The following KCNH8 variants were observed in gnomAD, a reference collection of about 807,000 sequenced individuals.
KCNH8 encodes potassium voltage-gated channel subfamily H member 8, also known as voltage-gated delayed rectifier potassium channel KCNH8.
Under a neutral mutation model 103.6 loss-of-function variants are expected in KCNH8, and 70 were observed. The observed-to-expected ratio is 0.68, with a 90% CI of 0.56 to 0.82. The LOEUF (loss-of-function observed/expected upper bound fraction) is 0.82, where lower values mean the gene tolerates loss of function less well. KCNH8 is among the 40% of genes least tolerant of loss of function. The pLI is 0.00. For synonymous variants in KCNH8, 498 were observed against 489.4 expected (o/e 1.02, Z -0.23); for missense variants, 1,217 against 1,329.9 (o/e 0.92, Z 1.32).
chr3:19,476,273 G>A (rs570184012), intron 11 of KCNH8, among the ~76,000 whole-genome samples: 62 of 152,236 alleles, frequency 4.1e-4, no homozygotes, highest in Non-Finnish European at 6.9e-4. Flanking sequence ...CAACAGACAA[G>A]GAGGTTCAAC....
chr3:19,376,437 A>G (rs191054672), intron 5 of KCNH8, among the ~76,000 whole-genome samples: 24 of 152,198 alleles, frequency 1.6e-4, no homozygotes, highest in Admixed American at 1.2e-3. Context: ...GAGTGAGGCA[A>G]TGCCTCTCCC....
chr3:19,525,189 A>G (rs935753221), intron 15 of KCNH8, among the ~76,000 whole-genome samples: 1 of 151,888 alleles, frequency 6.6e-6, no homozygotes, highest in East Asian at 1.9e-4. Flanking sequence ...TAACATAAAT[A>G]TATATTATTT....
At chr3:19,439,901 A>T (rs900411593) in intron 8 of KCNH8, among the ~76,000 whole-genome samples, 2 of 152,102 alleles carry the variant, frequency 1.3e-5, no homozygotes, top group Non-Finnish European at 2.9e-5. Context: ...GGAAAGCAAA[A>T]GGAACTGAAG....
At chr3:19,255,524 A>C (rs916067980) in intron 2 of KCNH8, among the ~76,000 whole-genome samples, 1 of 152,048 alleles carries the variant, frequency 6.6e-6, no homozygotes, top group African/African-American at 2.4e-5. Context: ...GGTAAGAGAG[A>C]GCATCCTCGT....
intron 5 of KCNH8, among the ~76,000 whole-genome samples, chr3:19,372,427 G>A (rs571428865): frequency 0.05 from 7,518 of 150,686 alleles, 240 homozygotes; most frequent in East Asian, 0.13. Context: ...TGTTGTTGGT[G>A]TATAAGAATG....
At chr3:19,502,642 T>C (rs1474143898) in intron 11 of KCNH8, among the ~76,000 whole-genome samples, 1 of 152,066 alleles carries the variant, frequency 6.6e-6, no homozygotes, top group Non-Finnish European at 1.5e-5. Context: ...AACTATCTGA[T>C]CTTTGACAAA....
At position 19,204,251 on chromosome 3, in the gene KCNH8, T is replaced by C. The variant is rs13064398; in HGVS notation, c.77-49403T>C. Among the ~76,000 whole-genome samples the C allele has an allele frequency of 5.5e-3, 833 of 152,182 alleles. 3 individuals are homozygous for C. Among genetic ancestry groups the C allele is most frequent in the Non-Finnish European group, 8.7e-3 (590 of 67,968 alleles). Reference sequence around the variant, plus strand: ...CCTCTGTCATAAGCATGTGTGATCTTGGGAATGAATTACATAAACTAATGT... The same window carrying C: ...CCTCTGTCATAAGCATGTGTGATCTCGGGAATGAATTACATAAACTAATGT... On this transcript the variant is annotated intron_variant, in intron 1 of 15. Transcript: ENST00000328405.
intron 1 of KCNH8, among the ~76,000 whole-genome samples, chr3:19,202,586 G>A (rs1393754705): frequency 2.6e-5 from 4 of 152,134 alleles, no homozygotes; most frequent in African/African-American, 4.8e-5. Flanking sequence ...AATGATTGCA[G>A]TTAGGAAGAA....
intron 1 of KCNH8, among the ~76,000 whole-genome samples, chr3:19,170,594 A>C (rs925771227): frequency 1.4e-5 from 2 of 143,730 alleles, no homozygotes; most frequent in Non-Finnish European, 3.0e-5. Context: ...CTATATATAT[A>C]TATATATATA....
intron 1 of KCNH8, among the ~76,000 whole-genome samples, chr3:19,241,741 C>T (rs767253094): frequency 3.3e-5 from 5 of 152,068 alleles, no homozygotes; most frequent in Admixed American, 1.3e-4. Flanking sequence ...CACACACACA[C>T]ACACACACAC....
intron 5 of KCNH8, among the ~76,000 whole-genome samples, chr3:19,353,820 G>T (rs904523862): frequency 5.9e-5 from 9 of 152,082 alleles, no homozygotes; most frequent in Non-Finnish European, 2.9e-5. Flanking sequence ...TTGAAAACTA[G>T]CACAAGACAA....
intron 3 of KCNH8, among the ~76,000 whole-genome samples, chr3:19,306,007 AAAATT>A (rs2125293087): frequency 6.6e-6 from 1 of 152,262 alleles, no homozygotes; most frequent in Admixed American, 6.5e-5. Flanking sequence ...AGTGATTACT[AAAATT>A]AAATGGACAA....
At chr3:19,504,467 C>T (rs2068652411) in intron 11 of KCNH8, among the ~76,000 whole-genome samples, 1 of 151,804 alleles carries the variant, frequency 6.6e-6, no homozygotes, top group South Asian at 2.1e-4. Flanking sequence ...CCATAAAGAA[C>T]TTAAACACAT....
chr3:19,338,509 A>AAT (rs1318703522), intron 3 of KCNH8, among the ~76,000 whole-genome samples: 2 of 152,074 alleles, frequency 1.3e-5, no homozygotes, highest in African/African-American at 4.8e-5. Flanking sequence ...TTACATTAAA[A>AAT]ATATATATGA....
chr3:19,524,604 T>C (rs1238676581), intron 15 of KCNH8, among the ~76,000 whole-genome samples: 1 of 151,620 alleles, frequency 6.6e-6, no homozygotes, highest in Non-Finnish European at 1.5e-5. Context: ...AAAAAAAACG[T>C]ATGTCATTCA....
rs188523481 is a variant in KCNH8, at chr3:19,472,746, C to G, written c.2040+15764C>G. 2.8e-3 allele frequency among the ~76,000 whole-genome samples: 419 copies of G among 152,230 alleles called. 1 individual carries two copies. The highest frequency in any genetic ancestry group is 0.012 in the Admixed American group (177 of 15,288). ...TATATAATATAAGTGAATTACATACCTACGTTAATCAGAATATCTCCTTTG... is the reference window on the plus strand; with the variant it reads ...TATATAATATAAGTGAATTACATACGTACGTTAATCAGAATATCTCCTTTG... On this transcript the variant is annotated intron_variant, in intron 11 of 15. Transcript: ENST00000328405.
intron 1 of KCNH8, among the ~76,000 whole-genome samples, chr3:19,247,894 GAAT>G (rs1238076532): frequency 6.6e-6 from 1 of 152,126 alleles, no homozygotes; most frequent in Non-Finnish European, 1.5e-5. Context: ...TACAAAGGGA[GAAT>G]GGTTTGTATC....
chr3:19,361,848 TA>T lies in KCNH8; in HGVS notation c.811+13885del, dbSNP rs1429685674. 2.6e-5 allele frequency among the ~76,000 whole-genome samples: 4 copies of T among 152,304 alleles called. No homozygotes were observed. In the East Asian group the frequency reaches 7.7e-4, roughly 29 times the overall value. Reference sequence around the variant, plus strand: ...AGAATCTTTATTTCTGAACATCATTTAATTTTTAGTATTAACTTTAGTGACA... The same window carrying T: ...AGAATCTTTATTTCTGAACATCATTTATTTTTAGTATTAACTTTAGTGACA... On this transcript the variant is annotated intron_variant, in intron 5 of 15. Coordinates refer to ENST00000328405, the MANE Select transcript of KCNH8 (RefSeq NM_144633.3).
At chr3:19,267,680 T>C (rs2064531579) in intron 2 of KCNH8, among the ~76,000 whole-genome samples, 1 of 152,034 alleles carries the variant, frequency 6.6e-6, no homozygotes, top group African/African-American at 2.4e-5. Flanking sequence ...AGCAGAAATA[T>C]TTAGCTCTTA....
Sources: gnomAD v4.1 joint callset for allele counts (sites outside exome capture counted in the v4.1 genomes callset) on GRCh38, gnomAD v4.1.1 for gene constraint, MANE v1.5 for transcripts, NCBI Gene and HGNC (gene_info 2026-07-23, HGNC 2026-07-21) for gene names.